The following TIMP3 variants were observed in gnomAD, a reference collection of about 807,000 sequenced individuals.
TIMP3 encodes metalloproteinase inhibitor 3.
Under a neutral mutation model 30.0 loss-of-function variants are expected in TIMP3, and 11 were observed. The observed-to-expected ratio is 0.37, with a 90% CI of 0.23 to 0.61. The LOEUF (loss-of-function observed/expected upper bound fraction) is 0.61. Among genes scored for constraint, TIMP3 ranks in the 20% least tolerant of loss-of-function variants. The pLI is 0.70. For synonymous variants in TIMP3, 112 were observed against 111.3 expected (o/e 1.01, Z -0.04); for missense variants, 181 against 276.8 (o/e 0.65, Z 2.45).
chr22:32,815,145 C>CATCT (rs1200847214), intron 1 of TIMP3, among the ~76,000 whole-genome samples: 1 of 152,236 alleles, frequency 6.6e-6, no homozygotes, highest in Non-Finnish European at 1.5e-5. Context: ...AAAGGCAAGG[C>CATCT]ATCTTCCCCT....
intron 1 of TIMP3, among the ~76,000 whole-genome samples, chr22:32,807,378 A>AATAT (rs1409769451): frequency 9.2e-6 from 1 of 108,242 alleles, no homozygotes; most frequent in Non-Finnish European, 1.7e-5. Flanking sequence ...TATTATATAT[A>AATAT]ATATATATTA....
intron 1 of TIMP3, among the ~76,000 whole-genome samples, chr22:32,832,131 A>C (rs1214120811): frequency 6.6e-6 from 1 of 152,240 alleles, no homozygotes; most frequent in Non-Finnish European, 1.5e-5. Flanking sequence ...TCACCCAGAC[A>C]GATCCCAGGC....
chr22:32,811,283 G>A (rs1386678852), intron 1 of TIMP3, among the ~76,000 whole-genome samples: 6 of 152,188 alleles, frequency 3.9e-5, no homozygotes, highest in African/African-American at 1.2e-4. Flanking sequence ...CGCAAAATGG[G>A]TAGAATCTTC....
At chr22:32,804,890 T>C (rs1426805015) in intron 1 of TIMP3, among the ~76,000 whole-genome samples, 1 of 152,118 alleles carries the variant, frequency 6.6e-6, no homozygotes, top group Non-Finnish European at 1.5e-5. Flanking sequence ...GACAAAACCT[T>C]GACTCTAGAA....
At chr22:32,830,522 G>A (rs1325379114) in intron 1 of TIMP3, among the ~76,000 whole-genome samples, 1 of 152,146 alleles carries the variant, frequency 6.6e-6, no homozygotes, top group Non-Finnish European at 1.5e-5. Flanking sequence ...GCCAAATCCT[G>A]GAACGGAAGC....
chr22:32,853,610 C>T (rs2048283697), intron 2 of TIMP3, among the ~76,000 whole-genome samples: 1 of 152,194 alleles, frequency 6.6e-6, no homozygotes, highest in African/African-American at 2.4e-5. Context: ...GCATGCAGAA[C>T]CCAGCTGAAA....
In TIMP3 at chr22:32,860,654, C is replaced by T. The variant is rs2048510047; in HGVS notation, c.*1277C>T. On this transcript the variant is annotated 3_prime_UTR_variant, in exon 5 of 5. Coordinates refer to ENST00000266085, the MANE Select transcript of TIMP3 (RefSeq NM_000362.5). ...CCCTGCTTCATGTTTGGGGGCCTTT[C>T]TTTAACTGCCTTCCTGGCTTAGCTC... 1 of 152,560 alleles carries T rather than the reference C, an allele frequency of 6.6e-6. No homozygotes were observed. The highest frequency in any genetic ancestry group is 6.5e-5 in the Admixed American group (1 of 15,268). 9.5% of individuals were successfully genotyped at this position (152,560 alleles called of 1,614,324 possible).
intron 1 of TIMP3, among the ~76,000 whole-genome samples, chr22:32,805,931 TTTAGGG>T (rs1184146876): frequency 1.3e-5 from 2 of 151,952 alleles, no homozygotes; most frequent in Non-Finnish European, 2.9e-5. Flanking sequence ...AAACATCATC[TTTAGGG>T]AGGGAGAGCT....
intron 1 of TIMP3, among the ~76,000 whole-genome samples, chr22:32,825,444 A>T (rs1472593987): frequency 6.6e-6 from 1 of 151,926 alleles, no homozygotes; most frequent in Non-Finnish European, 1.5e-5. Flanking sequence ...GTGGATCACC[A>T]GGTCAGGAGC....
At chr22:32,828,391 A>C (rs1230127157) in intron 1 of TIMP3, among the ~76,000 whole-genome samples, 1 of 152,206 alleles carries the variant, frequency 6.6e-6, no homozygotes, top group Non-Finnish European at 1.5e-5. Flanking sequence ...GCCTCTAAAA[A>C]ATTCTGCCAT....
intron 1 of TIMP3, 25 bp downstream of exon 1, chr22:32,802,147 G>T: frequency 6.4e-7 from 1 of 1,570,942 alleles, no homozygotes; most frequent in East Asian, 2.3e-5. Flanking sequence ...TGCCCCGCCC[G>T]AGCCCCACGC....
At chr22:32,808,528 G>A (rs2046826879) in intron 1 of TIMP3, among the ~76,000 whole-genome samples, 1 of 152,160 alleles carries the variant, frequency 6.6e-6, no homozygotes, top group Non-Finnish European at 1.5e-5. Flanking sequence ...TGGACTCTTA[G>A]GATAAAGTAT....
chr22:32,808,365 G>C (rs1489432773), intron 1 of TIMP3, among the ~76,000 whole-genome samples: 2 of 152,198 alleles, frequency 1.3e-5, no homozygotes. Context: ...TGGCACTTGG[G>C]TGAGAGCAGT....
Position 32,859,248 on chromosome 22 carries a change from C to T in TIMP3, c.507C>T (p.Leu169=), listed in dbSNP as rs2048466844. Residue 169 remains leucine, a synonymous_variant, in exon 5 of 5, where the codon CTC becomes CTT. Coordinates refer to ENST00000266085, the MANE Select transcript of TIMP3 (RefSeq NM_000362.5). ...SKNECLWTDM[L]SNFGYPGYQS... ...ACGAGTGTCTCTGGACCGACATGCT[C>T]TCCAATTTCGGTTACCCTGGCTACC... 4 of 1,614,102 alleles carry T rather than the reference C, an allele frequency of 2.5e-6. No individual in the cohort carries two copies. In the South Asian group the frequency reaches 4.4e-5, roughly 18 times the overall value.
chr22:32,806,051 G>T (rs2046726350), intron 1 of TIMP3, among the ~76,000 whole-genome samples: 1 of 151,738 alleles, frequency 6.6e-6, no homozygotes, highest in Non-Finnish European at 1.5e-5. Context: ...AAAAGGACTT[G>T]GTTTGTCTCA....
intron 1 of TIMP3, among the ~76,000 whole-genome samples, chr22:32,820,348 C>T (rs982545783): frequency 4.0e-5 from 5 of 124,890 alleles, no homozygotes; most frequent in African/African-American, 1.5e-4. Context: ...CCACCCATTC[C>T]ACTGCGTGTG....
intron 2 of TIMP3, among the ~76,000 whole-genome samples, chr22:32,854,350 ATGAGT>A (rs2048304760): frequency 1.3e-5 from 2 of 152,094 alleles, no homozygotes; most frequent in Admixed American, 1.3e-4. Context: ...GCTGATTTCG[ATGAGT>A]TGAGTTCTTA....
chr22:32,802,154 A>G, intron 1 of TIMP3, 32 bp downstream of exon 1: 1 of 1,567,002 alleles, frequency 6.4e-7, no homozygotes, highest in Non-Finnish European at 8.6e-7. Context: ...CCCGAGCCCC[A>G]CGCTGCAGCC....
In TIMP3 at chr22:32,801,978, C is replaced by T. The variant is rs754137297; in HGVS notation, c.-24C>T. ...AACTTTGGAGAGGCGAGCAGCAGCC[C>T]CGGCAGCGGCGGCAGCAGCGGCAAT... On this transcript the variant is annotated 5_prime_UTR_variant, in exon 1 of 5. Coordinates refer to ENST00000266085, the MANE Select transcript of TIMP3 (RefSeq NM_000362.5). The surrounding 1 kb of genome is among the most constrained non-coding windows in gnomAD (Gnocchi z 4.7). 5 of 1,581,420 alleles carry T rather than the reference C, an allele frequency of 3.2e-6. No homozygotes were observed. The South Asian group carries it at 3.4e-5, about 11-fold the overall frequency.
Sources: gnomAD v4.1 joint callset for allele counts (sites outside exome capture counted in the v4.1 genomes callset) on GRCh38, gnomAD v4.1.1 for gene constraint, Gnocchi (gnomAD v3.1) non-coding constraint, MANE v1.5 for transcripts, NCBI Gene and HGNC (gene_info 2026-07-23, HGNC 2026-07-21) for gene names.